Variants in ADCY9 observed in about 807,000 individuals in gnomAD.
The protein encoded by ADCY9 is adenylate cyclase type 9.
In ADCY9, 50 loss-of-function variants were observed where a neutral mutation model predicts 101.5. The ratio of observed to expected loss-of-function variants is 0.49; its 90% CI spans 0.39 to 0.62. The LOEUF (loss-of-function observed/expected upper bound fraction) is 0.62. ADCY9 is among the 20% of genes least tolerant of loss of function. The pLI is 0.00. For synonymous variants in ADCY9, 905 were observed against 769.3 expected, an observed-to-expected ratio of 1.18 and a Z score of -2.92; for missense variants, 1,662 against 1,800.4, an observed-to-expected ratio of 0.92 and a Z score of 1.39.
At position 4,019,937 on chromosome 16, in the gene ADCY9, G is replaced by T. The variant is rs533879844; in HGVS notation, c.1694-12379C>A. ...CACTAAAAATACAAAAATTAACCGG[G>T]CGTGGTGGCGGGAGCCTGTAATCCC... On this transcript the variant is annotated intron_variant, in intron 2 of 10. Coordinates refer to ENST00000294016, the MANE Select transcript of ADCY9 (RefSeq NM_001116.4). 9.5e-4 allele frequency among the ~76,000 whole-genome samples: 144 copies of T among 152,214 alleles called. 1 individual carries two copies. Among genetic ancestry groups the T allele is most frequent in the Non-Finnish European group, 1.7e-3 (114 of 68,024 alleles).
intron 10 of ADCY9, among the ~76,000 whole-genome samples, chr16:3,969,613 T>TA (rs1491520639): frequency 0.031 from 2,498 of 80,266 alleles, 208 homozygotes; most frequent in African/African-American, 0.1. Context: ...TATATATGTA[T>TA]TTTTTTTTTT....
intron 2 of ADCY9, among the ~76,000 whole-genome samples, chr16:4,014,183 G>A (rs1044125661): frequency 6.6e-6 from 1 of 151,994 alleles, no homozygotes; most frequent in African/African-American, 2.4e-5. Flanking sequence ...ACTGGGCGTG[G>A]TGGCACATGC....
At chr16:4,008,103 A>G (rs1567435248) in intron 2 of ADCY9, among the ~76,000 whole-genome samples, 1 of 152,026 alleles carries the variant, frequency 6.6e-6, no homozygotes, top group African/African-American at 2.4e-5. Flanking sequence ...GCTGTTGAGC[A>G]TCTATTTCCT....
intron 2 of ADCY9, among the ~76,000 whole-genome samples, chr16:4,084,679 T>C (rs112351474): frequency 0.12 from 18,115 of 151,988 alleles, 1,668 homozygotes; most frequent in East Asian, 0.44. Flanking sequence ...TGAGCCATGA[T>C]TGCACCACTG....
chr16:3,975,021 A>C (rs1176533680), intron 9 of ADCY9, among the ~76,000 whole-genome samples: 1 of 152,088 alleles, frequency 6.6e-6, no homozygotes, highest in Admixed American at 6.6e-5. Context: ...GCCGAGTGGA[A>C]CTTCAACCAT....
chr16:3,976,182 AG>A (rs2056091226), intron 9 of ADCY9, among the ~76,000 whole-genome samples: 1 of 151,994 alleles, frequency 6.6e-6, no homozygotes, highest in Non-Finnish European at 1.5e-5. Flanking sequence ...TAGTAGAGAC[AG>A]GGTTTCACCG....
Position 4,115,027 on chromosome 16 carries a change from C to T in ADCY9, c.416G>A (p.Arg139Lys). Residue 139 changes from arginine (R) to lysine (K), a missense_variant, in exon 2 of 11, where the codon AGA (arginine) becomes AAA (lysine). Physicochemically the swap from Arg to Lys is conservative, Grantham distance 26. Around this residue, in one of 5 missense-constraint regions of ADCY9, gnomAD observed 422 missense variants for 392.0 expected, o/e 1.08. Transcript: ENST00000294016. This position sits in a 1 kb window ranked among gnomAD's most constrained non-coding sequence, Gnocchi z 6.2. ...LWSIYFAVHM[R>K]SRLIVMVAPA... is the part of the protein sequence containing the mutation. ...GGCGACCATGACGATCAGTCTGGAT[C>T]TCATGTGGACCGCAAAATAGATGCT... The T allele has an allele frequency of 6.2e-7, 1 of 1,614,126 alleles. No individual in the cohort carries two copies. Among genetic ancestry groups the T allele is most frequent in the Non-Finnish European group, 8.5e-7 (1 of 1,180,032 alleles).
intron 5 of ADCY9, among the ~76,000 whole-genome samples, chr16:3,991,554 A>G (rs2056243743): frequency 6.6e-6 from 1 of 152,166 alleles, no homozygotes; most frequent in Non-Finnish European, 1.5e-5. Context: ...TGAGGCCAAG[A>G]GTTCGAGACC....
intron 2 of ADCY9, among the ~76,000 whole-genome samples, chr16:4,108,026 T>A (rs1385723751): frequency 6.6e-6 from 1 of 152,212 alleles, no homozygotes; most frequent in Non-Finnish European, 1.5e-5. Flanking sequence ...AAAGCTTTTT[T>A]AATTTCTGCA....
intron 3 of ADCY9, among the ~76,000 whole-genome samples, chr16:3,996,882 T>G (rs1472354518): frequency 4.6e-5 from 7 of 152,104 alleles, no homozygotes; most frequent in Admixed American, 6.6e-5. Flanking sequence ...TTTGTTTTTT[T>G]GGGACTGAGT....
chr16:4,074,268 T>G (rs866359875), intron 2 of ADCY9, among the ~76,000 whole-genome samples: 38 of 152,060 alleles, frequency 2.5e-4, no homozygotes, highest in African/African-American at 8.7e-4. Flanking sequence ...ACGAGGTTCT[T>G]ATATAATAAA....
intron 2 of ADCY9, among the ~76,000 whole-genome samples, chr16:4,020,690 G>T (rs987657048): frequency 1.3e-5 from 2 of 152,036 alleles, no homozygotes; most frequent in Admixed American, 6.6e-5. Flanking sequence ...GCTGGGCTTG[G>T]TGGCACACGT....
intron 2 of ADCY9, among the ~76,000 whole-genome samples, chr16:4,023,537 C>G (rs566414228): frequency 6.6e-6 from 1 of 152,296 alleles, no homozygotes; most frequent in African/African-American, 2.4e-5. Context: ...AAGGTGGCAA[C>G]TGTTCCCGAT....
At chr16:3,998,707 T>C (rs1338536644) in intron 3 of ADCY9, among the ~76,000 whole-genome samples, 2 of 4,520 alleles carry the variant, frequency 4.4e-4, no homozygotes, top group East Asian at 8.1e-3. Context: ...AAACTCTGTC[T>C]CAAAAAAAAA....
intron 3 of ADCY9, among the ~76,000 whole-genome samples, chr16:4,006,863 ATAC>A (rs1315845547): frequency 6.6e-6 from 1 of 152,150 alleles, no homozygotes; most frequent in East Asian, 1.9e-4. Context: ...CAATAATGAA[ATAC>A]TACAATGTTC....
intron 3 of ADCY9, among the ~76,000 whole-genome samples, chr16:4,000,977 A>ACACACACACACACG (rs2056325738): frequency 7.0e-6 from 1 of 143,626 alleles, no homozygotes; most frequent in Non-Finnish European, 1.6e-5. Context: ...CTACACACAC[A>ACACACACACACACG]CACACACACA....
chr16:4,086,809 G>C (rs139046912), intron 2 of ADCY9, among the ~76,000 whole-genome samples: 1 of 151,934 alleles, frequency 6.6e-6, no homozygotes, highest in African/African-American at 2.4e-5. Flanking sequence ...ACAGGCATGC[G>C]CCACCACGCC....
chr16:4,099,115 T>A (rs556550373), intron 2 of ADCY9, among the ~76,000 whole-genome samples: 2 of 152,070 alleles, frequency 1.3e-5, no homozygotes, highest in South Asian at 4.2e-4. Flanking sequence ...GTATTTCCAG[T>A]ACAGACAGGG....
At chr16:3,955,237 T>C (rs1597125225) in intron 5 of ADCY9, among the ~76,000 whole-genome samples, 1 of 144,178 alleles carries the variant, frequency 6.9e-6, no homozygotes, top group African/African-American at 2.6e-5. Context: ...AAAAAAAAAG[T>C]AGTTGGACCA....
Sources: allele counts gnomAD v4.1 joint callset (sites outside exome capture counted in the v4.1 genomes callset), GRCh38; gene constraint gnomAD v4.1.1; regional missense constraint gnomAD v4.1.1; non-coding constraint Gnocchi (gnomAD v3.1); transcripts MANE v1.5; gene names NCBI Gene and HGNC (gene_info 2026-07-23, HGNC 2026-07-21).